PIEZO2: variants seen among roughly 807,000 people sequenced by gnomAD.
The protein encoded by PIEZO2 is piezo type mechanosensitive ion channel component 2.
In PIEZO2, 172 loss-of-function variants were observed where a neutral mutation model predicts 337.3. That is an observed-to-expected ratio of 0.51 (90% CI 0.45 to 0.58). The LOEUF (loss-of-function observed/expected upper bound fraction) is 0.58, where lower values mean the gene tolerates loss of function less well. Ranked by LOEUF, PIEZO2 falls within the 20% of genes least tolerant of loss-of-function variation. The pLI, the probability that PIEZO2 is intolerant of heterozygous loss-of-function variation, is 0.00. For synonymous variants in PIEZO2, 1,251 were observed against 1,228.5 expected (o/e 1.02, Z -0.38); for missense variants, 3,028 against 3,391.3 (o/e 0.89, Z 2.66).
At position 10,830,101 on chromosome 18, in the gene PIEZO2, C is replaced by T. The variant is rs1223304412; in HGVS notation, c.918-22827G>A. ...TGGTACTGGCATAAAAACAGACACACAGACCAATGGAACAGAATAGGGAAG... is the reference window on the plus strand; with the variant it reads ...TGGTACTGGCATAAAAACAGACACATAGACCAATGGAACAGAATAGGGAAG... On this transcript the variant is annotated intron_variant, in intron 7 of 55. Coordinates refer to ENST00000674853, the MANE Select transcript of PIEZO2 (RefSeq NM_001378183.1). The surrounding 1 kb of genome is among the most constrained non-coding windows in gnomAD (Gnocchi z 4.7). Among the ~76,000 whole-genome samples, 2 of 152,062 alleles carry T rather than the reference C, an allele frequency of 1.3e-5. No homozygotes were observed. The highest frequency in any genetic ancestry group is 2.9e-5 in the Non-Finnish European group (2 of 67,990).
rs141098791 is a variant in PIEZO2 at position 10,871,529 on chromosome 18, G to T, written c.330-114C>A. The T allele has an allele frequency of 7.9e-6, 8 of 1,017,410 alleles. No individual in the cohort carries two copies. The East Asian group carries it at 1.6e-4, about 20-fold the overall frequency. 63.0% of individuals were successfully genotyped at this position (1,017,410 alleles called of 1,614,324 possible). A position where few individuals can be genotyped will look rare whatever the true frequency, so the allele number is the denominator to read the frequency against. Reference sequence around the variant, plus strand: ...AATGATTTAAAATAAAAGATGCTCCGTTTCTCCCTAAAAGGTACAAGAAAG... The same window carrying T: ...AATGATTTAAAATAAAAGATGCTCCTTTTCTCCCTAAAAGGTACAAGAAAG... On this transcript the variant is annotated intron_variant, in intron 4 of 55. Transcript: ENST00000674853.
intron 36 of PIEZO2, among the ~76,000 whole-genome samples, chr18:10,720,050 A>AT (rs2036191679): frequency 1.3e-5 from 2 of 151,788 alleles, no homozygotes; most frequent in Non-Finnish European, 2.9e-5. Flanking sequence ...GAATTTTCAA[A>AT]TAATGACGTG....
At chr18:10,914,923 C>A (rs1220513602) in intron 3 of PIEZO2, among the ~76,000 whole-genome samples, 1 of 151,966 alleles carries the variant, frequency 6.6e-6, no homozygotes, top group Non-Finnish European at 1.5e-5. Flanking sequence ...AAGCTCCTTT[C>A]AGGTAGGATG....
chr18:11,085,163 G>A (rs767440832), intron 1 of PIEZO2, among the ~76,000 whole-genome samples: 1 of 152,148 alleles, frequency 6.6e-6, no homozygotes, highest in Non-Finnish European at 1.5e-5. Context: ...TTTGCCCCAA[G>A]TATTATCGGC....
chr18:10,790,441 C>A (rs1013743298), intron 14 of PIEZO2, among the ~76,000 whole-genome samples: 3 of 152,096 alleles, frequency 2.0e-5, no homozygotes, highest in African/African-American at 2.4e-5. Context: ...TATTGGCATA[C>A]CTAGGGAATT....
rs756055888 is a variant in PIEZO2 at position 10,895,636 on chromosome 18, A to G, written c.329+15550T>C. On this transcript the variant is annotated intron_variant, in intron 4 of 55. Transcript: ENST00000674853. This position sits in a 1 kb window ranked among gnomAD's most constrained non-coding sequence, Gnocchi z 4.8. ...TGGGGTTGCCTCACTCAGGATTTGC[A>G]TTGGAGTGATCCTCAGTTTAACACC... Among the ~76,000 whole-genome samples, 19 of 152,028 alleles carry G rather than the reference A, an allele frequency of 1.2e-4. No individual in the cohort carries two copies. The highest frequency in any genetic ancestry group is 2.1e-4 in the Non-Finnish European group (14 of 68,022).
intron 2 of PIEZO2, among the ~76,000 whole-genome samples, chr18:11,046,879 G>A (rs984474295): frequency 6.6e-6 from 1 of 152,226 alleles, no homozygotes; most frequent in African/African-American, 2.4e-5. Flanking sequence ...AAATGTACAG[G>A]GGCATCTGTG....
intron 30 of PIEZO2, among the ~76,000 whole-genome samples, chr18:10,747,982 C>T (rs1598428976): frequency 6.6e-6 from 1 of 152,160 alleles, no homozygotes; most frequent in East Asian, 1.9e-4. Flanking sequence ...ATTACCTCTC[C>T]CCAGTCTTTT....
At position 11,116,631 on chromosome 18, in the gene PIEZO2, G is replaced by A. The variant is rs566134457; in HGVS notation, c.64+31894C>T. 3.2e-3 allele frequency among the ~76,000 whole-genome samples: 487 copies of A among 151,796 alleles called. No individual in the cohort carries two copies. Among genetic ancestry groups the A allele is most frequent in the African/African-American group, 0.011 (458 of 41,374 alleles). On this transcript the variant is annotated intron_variant, in intron 1 of 55. Transcript: ENST00000674853. This position sits in a 1 kb window ranked among gnomAD's most constrained non-coding sequence, Gnocchi z 5.0. ...CTCGGGAGGCTGAGGCAGGAGAATG[G>A]CGTGAACCCGGGAGGCGTAGCTTGC...
At chr18:11,005,048 G>C (rs1470474453) in intron 2 of PIEZO2, among the ~76,000 whole-genome samples, 2 of 152,226 alleles carry the variant, frequency 1.3e-5, no homozygotes, top group Non-Finnish European at 2.9e-5. Flanking sequence ...TTCAATATAT[G>C]TTGGCAAGAA....
chr18:11,106,450 C>T (rs1242703557), intron 1 of PIEZO2, among the ~76,000 whole-genome samples: 2 of 140,456 alleles, frequency 1.4e-5, no homozygotes, highest in African/African-American at 5.7e-5. Context: ...GACAGGGTCT[C>T]GCTCTGTTGC....
At chr18:10,832,999 T>C (rs2040894532) in intron 7 of PIEZO2, among the ~76,000 whole-genome samples, 1 of 152,192 alleles carries the variant, frequency 6.6e-6, no homozygotes, top group Non-Finnish European at 1.5e-5. Context: ...GCTGCTCCCA[T>C]GAGCCCACTA....
chr18:10,725,585 G>T, intron 36 of PIEZO2: 1 of 1,355,754 alleles, frequency 7.4e-7, no homozygotes, highest in Non-Finnish European at 9.9e-7. Context: ...TGAGGTCGGG[G>T]CTTTCCCTTC....
At chr18:10,788,714 A>G (rs1206127793) in intron 15 of PIEZO2, among the ~76,000 whole-genome samples, 2 of 152,122 alleles carry the variant, frequency 1.3e-5, no homozygotes, top group African/African-American at 4.8e-5. Context: ...AGAAGCTAGG[A>G]CTACAGGTGT....
intron 1 of PIEZO2, among the ~76,000 whole-genome samples, chr18:11,093,768 A>T (rs1486967895): frequency 1.3e-5 from 2 of 152,028 alleles, no homozygotes; most frequent in Non-Finnish European, 2.9e-5. Flanking sequence ...ATCTTAAAAG[A>T]AACTTTAAAA....
chr18:10,934,140 T>C (rs1389342536), intron 3 of PIEZO2, among the ~76,000 whole-genome samples: 2 of 152,242 alleles, frequency 1.3e-5, no homozygotes, highest in Admixed American at 6.5e-5. Flanking sequence ...TATTTCTGAC[T>C]TTGTTAGCTT....
intron 4 of PIEZO2, among the ~76,000 whole-genome samples, chr18:10,882,942 G>A (rs2042466659): frequency 6.7e-6 from 1 of 148,448 alleles, no homozygotes; most frequent in South Asian, 2.1e-4. Flanking sequence ...GGGTCCAAGC[G>A]ATTCTCCTGC....
At chr18:10,747,861 C>A (rs1374918087) in intron 30 of PIEZO2, among the ~76,000 whole-genome samples, 2 of 152,188 alleles carry the variant, frequency 1.3e-5, no homozygotes, top group Non-Finnish European at 2.9e-5. Flanking sequence ...TCACACCAAG[C>A]ATCTGATGGG....
In PIEZO2 at chr18:11,033,648, G is replaced by A. The variant is rs570650620; in HGVS notation, c.160+32479C>T. Reference sequence around the variant, plus strand: ...AGTCTGAAAACATAAACCATATAACGAGTCAGACATATATAGCACATGCCA... The same window carrying A: ...AGTCTGAAAACATAAACCATATAACAAGTCAGACATATATAGCACATGCCA... On this transcript the variant is annotated intron_variant, in intron 2 of 55. Coordinates refer to ENST00000674853, the MANE Select transcript of PIEZO2 (RefSeq NM_001378183.1). The surrounding 1 kb of genome is among the most constrained non-coding windows in gnomAD (Gnocchi z 4.2). Among the ~76,000 whole-genome samples the A allele has an allele frequency of 2.6e-5, 4 of 152,000 alleles. No individual in the cohort carries two copies. The highest frequency in any genetic ancestry group is 6.6e-5 in the Admixed American group (1 of 15,262).
Sources: allele counts gnomAD v4.1 joint callset (sites outside exome capture counted in the v4.1 genomes callset), GRCh38; gene constraint gnomAD v4.1.1; non-coding constraint Gnocchi (gnomAD v3.1); transcripts MANE v1.5; gene names NCBI Gene and HGNC (gene_info 2026-07-23, HGNC 2026-07-21).